PDE11A: variants seen among roughly 807,000 people sequenced by gnomAD.
PDE11A encodes phosphodiesterase 11A.
PDE11A carries 100 observed loss-of-function variants against 100.5 expected under a neutral mutation model. That is an observed-to-expected ratio of 1.00 (90% CI 0.85 to 1.18). The LOEUF (loss-of-function observed/expected upper bound fraction) is 1.18, where lower values mean the gene tolerates loss of function less well. Among genes scored for constraint, PDE11A ranks in the 50% most tolerant of loss-of-function variants. PDE11A has a pLI of 0.00. For synonymous variants in PDE11A, 381 were observed against 420.8 expected (o/e 0.91, Z 1.16); for missense variants, 1,141 against 1,152.6 (o/e 0.99, Z 0.15).
intron 1 of PDE11A, among the ~76,000 whole-genome samples, chr2:178,030,253 G>A (rs2086528395): frequency 6.6e-6 from 1 of 152,204 alleles, no homozygotes; most frequent in East Asian, 1.9e-4. Flanking sequence ...AAATATAATG[G>A]TGTTATGAAC....
At chr2:178,023,400 G>A (rs2105835076) in intron 1 of PDE11A, among the ~76,000 whole-genome samples, 1 of 152,218 alleles carries the variant, frequency 6.6e-6, no homozygotes, top group South Asian at 2.1e-4. Context: ...AGAAATCACT[G>A]GAGGCTCCCT....
intron 8 of PDE11A, 95 bp from the exon 9 acceptor site, chr2:177,817,016 TA>T (rs2083050570): frequency 1.3e-6 from 1 of 767,620 alleles, no homozygotes; most frequent in East Asian, 2.5e-5. Flanking sequence ...GGTCTGAAAA[TA>T]CAATCTTGTT....
chr2:177,687,071 A>G (rs1160065005), intron 15 of PDE11A: 2 of 152,266 alleles, frequency 1.3e-5, no homozygotes, highest in Admixed American at 6.5e-5. Flanking sequence ...AGCTCAGGAG[A>G]TAGAGTTAAT....
intron 5 of PDE11A, among the ~76,000 whole-genome samples, chr2:177,873,181 C>A: frequency 6.6e-6 from 1 of 152,024 alleles, no homozygotes; most frequent in African/African-American, 2.4e-5. Context: ...ACCATGAGAA[C>A]ATGTTCAGCA....
rs569931660 is a variant in PDE11A at position 177,799,795 on chromosome 2, C to T, written c.1737+17034G>A. The stretch of plus-strand genomic sequence containing the variant: ...GAGCTCTCATTCAGAGACCCAGGAT[C>T]TGTGCTAACCAGAAAATTAACCAGT... On this transcript the variant is annotated intron_variant, in intron 9 of 19. Transcript: ENST00000286063. 2.2e-4 allele frequency among the ~76,000 whole-genome samples: 33 copies of T among 152,284 alleles called. 1 individual carries two copies. In the East Asian group the frequency reaches 5.0e-3, roughly 23 times the overall value.
intron 10 of PDE11A, among the ~76,000 whole-genome samples, chr2:177,756,002 G>A (rs1477366140): frequency 3.9e-5 from 6 of 152,202 alleles, no homozygotes; most frequent in Non-Finnish European, 7.3e-5. Flanking sequence ...TGTGCACTAC[G>A]CTCTCATTTG....
chr2:177,776,968 C>T (rs1380494136), intron 9 of PDE11A, among the ~76,000 whole-genome samples: 1 of 151,962 alleles, frequency 6.6e-6, no homozygotes, highest in African/African-American at 2.4e-5. Context: ...CTCATGAGAT[C>T]TGATGGTTTT....
chr2:177,999,174 C>T (rs1476976469), intron 2 of PDE11A, among the ~76,000 whole-genome samples: 4 of 152,130 alleles, frequency 2.6e-5, no homozygotes, highest in African/African-American at 7.2e-5. Flanking sequence ...TTTATAGGTT[C>T]ATCCAAGGAT....
chr2:177,937,049 C>A (rs1304201983), intron 2 of PDE11A, among the ~76,000 whole-genome samples: 3 of 152,014 alleles, frequency 2.0e-5, no homozygotes, highest in African/African-American at 7.2e-5. Context: ...AGTTACTATG[C>A]CCCTAAAATA....
At position 177,658,768 on chromosome 2, in the gene PDE11A, G is replaced by T. The variant is rs1183499002; in HGVS notation, c.2646+5098C>A. 2.0e-5 allele frequency among the ~76,000 whole-genome samples: 3 copies of T among 150,704 alleles called. No individual in the cohort carries two copies. The East Asian group carries it at 5.8e-4, about 29-fold the overall frequency. ...ATGAAGTTGTTTTTAGGGAACACTG[G>T]ATTGCTTTTAAAGTACTTTCATCAG... On this transcript the variant is annotated intron_variant, in intron 19 of 19. Coordinates refer to ENST00000286063, the MANE Select transcript of PDE11A (RefSeq NM_016953.4).
chr2:178,049,503 G>A (rs1358409362), intron 1 of PDE11A, among the ~76,000 whole-genome samples: 2 of 152,290 alleles, frequency 1.3e-5, no homozygotes, highest in African/African-American at 4.8e-5. Context: ...GACAGTGGGT[G>A]CAGGACAGTG....
chr2:178,025,691 C>T (rs868600997), intron 1 of PDE11A, among the ~76,000 whole-genome samples: 7 of 152,102 alleles, frequency 4.6e-5, no homozygotes, highest in Non-Finnish European at 8.8e-5. Flanking sequence ...TATCTATTAC[C>T]GTAAGTCTGC....
intron 4 of PDE11A, among the ~76,000 whole-genome samples, chr2:177,878,031 A>T (rs944589115): frequency 1.3e-5 from 2 of 152,180 alleles, no homozygotes; most frequent in African/African-American, 4.8e-5. Context: ...GAGGTAATGA[A>T]CTCAAGCTAG....
chr2:177,807,019 T>C (rs2082882497), intron 9 of PDE11A, among the ~76,000 whole-genome samples: 1 of 152,122 alleles, frequency 6.6e-6, no homozygotes, highest in East Asian at 1.9e-4. Context: ...ATTAGCCAAG[T>C]ATTTTCTGAA....
chr2:177,861,032 C>T (rs994291181), intron 5 of PDE11A, among the ~76,000 whole-genome samples: 1 of 151,732 alleles, frequency 6.6e-6, no homozygotes, highest in Non-Finnish European at 1.5e-5. Context: ...AGGAATCAGA[C>T]AAGGATATTG....
chr2:177,776,736 G>A (rs2082382951), intron 9 of PDE11A, among the ~76,000 whole-genome samples: 1 of 152,258 alleles, frequency 6.6e-6, no homozygotes, highest in East Asian at 1.9e-4. Context: ...AGAAGACCAG[G>A]TGAGGACACA....
At position 177,718,449 on chromosome 2, in the gene PDE11A, G is replaced by A. The variant is rs143575649; in HGVS notation, c.2044-6571C>T. On this transcript the variant is annotated intron_variant, in intron 12 of 19. Coordinates refer to ENST00000286063, the MANE Select transcript of PDE11A (RefSeq NM_016953.4). Reference sequence around the variant, plus strand: ...ATAGGGCTGTAAAGAATCCCTTGGTGTGTGCTTTATTTCACGAAGGACGTT... The same window carrying A: ...ATAGGGCTGTAAAGAATCCCTTGGTATGTGCTTTATTTCACGAAGGACGTT... Among the ~76,000 whole-genome samples, 440 of 152,276 alleles carry A rather than the reference G, an allele frequency of 2.9e-3. 2 individuals carry two copies. Among genetic ancestry groups the A allele is most frequent in the South Asian group, 0.015 (71 of 4,822 alleles).
chr2:177,729,311 C>T (rs1392959098), intron 10 of PDE11A, among the ~76,000 whole-genome samples: 4 of 152,146 alleles, frequency 2.6e-5, no homozygotes. Flanking sequence ...GTCAGTTTCA[C>T]GAATAAATCA....
chr2:177,935,528 T>C (rs1391883950), intron 2 of PDE11A, among the ~76,000 whole-genome samples: 1 of 152,164 alleles, frequency 6.6e-6, no homozygotes, highest in Non-Finnish European at 1.5e-5. Context: ...TTCTGAGGCA[T>C]GACACAACAA....
Sources: allele counts gnomAD v4.1 joint callset (sites outside exome capture counted in the v4.1 genomes callset), GRCh38; gene constraint gnomAD v4.1.1; transcripts MANE v1.5; gene names NCBI Gene and HGNC (gene_info 2026-07-23, HGNC 2026-07-21).